SASH1: variants seen among roughly 807,000 people sequenced by gnomAD.
SASH1 encodes SAM and SH3 domain containing 1.
SASH1 carries 44 observed loss-of-function variants against 125.2 expected under a neutral mutation model. That is an observed-to-expected ratio of 0.35 (90% confidence interval 0.28 to 0.45). The LOEUF is 0.45. SASH1 is among the 20% of genes least tolerant of loss of function. The probability of loss-of-function intolerance (pLI) is 1.00; values close to 1 mark genes in which losing one functional copy is unlikely to be tolerated. For synonymous variants in SASH1, 639 were observed against 649.1 expected, an observed-to-expected ratio of 0.98 and a Z score of 0.24; for missense variants, 1,426 against 1,614.5, an observed-to-expected ratio of 0.88 and a Z score of 2.00.
chr6:148,334,178 A>AG (rs1781079467), intron 1 of SASH1, among the ~76,000 whole-genome samples: 4 of 139,570 alleles, frequency 2.9e-5, no homozygotes, highest in Admixed American at 2.9e-4. Context: ...TAATCCCAGC[A>AG]CTTTGGGAGG....
At position 148,548,349 on chromosome 6, in the gene SASH1, A is replaced by C. The variant is rs188775246; in HGVS notation, c.3535A>C (p.Ile1179Leu). 1 of 1,614,184 alleles carries C rather than the reference A, an allele frequency of 6.2e-7. No individual in the cohort carries two copies. The highest frequency in any genetic ancestry group is 1.3e-5 in the African/African-American group (1 of 75,046). Residue 1179 changes from isoleucine to leucine, a missense_variant, in exon 20 of 20, where the codon ATT (isoleucine) becomes CTT (leucine). Around this residue, in one of 3 missense-constraint regions of SASH1, gnomAD observed 634 missense variants for 694.4 expected, o/e 0.91. Coordinates refer to ENST00000367467, the MANE Select transcript of SASH1 (RefSeq NM_015278.5). The stretch of plus-strand genomic sequence containing the variant: ...CCGAAAGCCCGTCTCTCCTGGGTGC[A>C]TTTCGTCTGTGTCAGATTGGCTCAT... The part of the protein sequence containing the change: ...ICRKPVSPGC[I>L]SSVSDWLISI...
upstream of SASH1, among the ~76,000 whole-genome samples, chr6:148,269,653 A>G (rs902261486): frequency 1.3e-5 from 2 of 152,116 alleles, no homozygotes; most frequent in African/African-American, 4.8e-5. Context: ...GCATGTTAGG[A>G]TGCCCACCCT....
chr6:148,234,773 G>A, the SASH1 span, among the ~76,000 whole-genome samples: 3 of 151,622 alleles, frequency 2.0e-5, no homozygotes, highest in Admixed American at 6.6e-5. Flanking sequence ...GTTGCAATGA[G>A]CCGAGACTGC....
Position 148,315,550 on chromosome 6 carries a change from C to T in SASH1, n.74+43173C>T, listed in dbSNP as rs529286572. ...TTGATCAGTTTTATATAAATTCAAA[C>T]TTTCTTAAATTTAAGAGATTTCCTC... is the stretch of plus-strand genomic sequence containing the variant. On this transcript the variant is annotated intron_variant and non_coding_transcript_variant, in intron 1 of 3. Transcript: ENST00000367469. 2.6e-5 allele frequency among the ~76,000 whole-genome samples: 4 copies of T among 152,268 alleles called. No individual in the cohort carries two copies. The South Asian group carries it at 8.3e-4, about 32-fold the overall frequency.
chr6:148,493,410 C>T (rs1278373139), intron 8 of SASH1, among the ~76,000 whole-genome samples: 1 of 152,124 alleles, frequency 6.6e-6, no homozygotes, highest in Non-Finnish European at 1.5e-5. Context: ...ATTCAGCCAC[C>T]ACGGGTTATA....
intron 17 of SASH1, 108 bp downstream of exon 17, chr6:148,540,664 C>T (rs1343278540): frequency 6.2e-6 from 5 of 811,650 alleles, no homozygotes; most frequent in African/African-American, 3.4e-5. Flanking sequence ...CAGCAATCAT[C>T]GTTTCCTTTC....
chr6:148,401,233 A>G (rs990672360), intron 2 of SASH1, among the ~76,000 whole-genome samples: 2 of 151,794 alleles, frequency 1.3e-5, no homozygotes, highest in African/African-American at 4.8e-5. Context: ...CAGCCTGGGC[A>G]ACAGAATGAG....
At chr6:148,448,204 C>G (rs1399502511) in intron 4 of SASH1, among the ~76,000 whole-genome samples, 1 of 151,940 alleles carries the variant, frequency 6.6e-6, no homozygotes. Context: ...AGCCCTAGAT[C>G]TTTTGCTTCT....
intron 7 of SASH1, among the ~76,000 whole-genome samples, chr6:148,477,011 T>C (rs1461045415): frequency 2.0e-5 from 3 of 152,192 alleles, no homozygotes; most frequent in Admixed American, 6.5e-5. Flanking sequence ...TGGATATTCA[T>C]AGGCAGAAGA....
the SASH1 span, among the ~76,000 whole-genome samples, chr6:148,257,329 A>C: frequency 6.6e-6 from 1 of 152,178 alleles, no homozygotes; most frequent in Non-Finnish European, 1.5e-5. Context: ...CCTGAGTCAC[A>C]TAGGGTTGGC....
At chr6:148,355,475 A>G (rs1020476641) in intron 1 of SASH1, among the ~76,000 whole-genome samples, 3 of 152,258 alleles carry the variant, frequency 2.0e-5, no homozygotes, top group Admixed American at 6.5e-5. Flanking sequence ...TGTAGAAGAT[A>G]TTATAAAATC....
At chr6:148,302,241 G>T (rs1009428095) in intron 1 of SASH1, among the ~76,000 whole-genome samples, 13 of 147,968 alleles carry the variant, frequency 8.8e-5, no homozygotes, top group African/African-American at 3.0e-4. Context: ...GAACCTGGGA[G>T]GTGGAGCTTG....
At chr6:148,278,853 T>C (rs1477969898) in intron 1 of SASH1, 1 of 152,192 alleles carries the variant, frequency 6.6e-6, no homozygotes, top group Non-Finnish European at 1.5e-5. Flanking sequence ...GATATGCCCT[T>C]GGAGGAACTA....
At chr6:148,362,135 G>C (rs373976672) in intron 1 of SASH1, among the ~76,000 whole-genome samples, 241 of 151,606 alleles carry the variant, frequency 1.6e-3, no homozygotes, top group Non-Finnish European at 2.5e-3. Context: ...CTCCGTGTTA[G>C]CCAGGATGGT....
chr6:148,336,142 A>G (rs1244246055), intron 1 of SASH1, among the ~76,000 whole-genome samples: 1 of 142,442 alleles, frequency 7.0e-6, no homozygotes, highest in Non-Finnish European at 1.5e-5. Flanking sequence ...TCTTGACCTC[A>G]TTACATTTGT....
chr6:148,408,915 T>G (rs531018017), intron 2 of SASH1, among the ~76,000 whole-genome samples: 1 of 152,360 alleles, frequency 6.6e-6, no homozygotes, highest in African/African-American at 2.4e-5. Flanking sequence ...TGAAGTGATT[T>G]GCTTTGGAGA....
chr6:148,513,363 C>T, intron 8 of SASH1: 1 of 985,462 alleles, frequency 1.0e-6, no homozygotes, highest in African/African-American at 1.7e-5. Context: ...GGCGGCTGCT[C>T]CCAGGCATGC....
At chr6:148,479,045 CT>C (rs35055729) in intron 7 of SASH1, 46,850 of 105,082 alleles carry the variant, frequency 0.45, 8,817 homozygotes, top group East Asian at 0.59. Context: ...GACTGCACTA[CT>C]TTTTTTTTTT....
At chr6:148,257,566 A>C in the SASH1 span, among the ~76,000 whole-genome samples, 1 of 152,074 alleles carries the variant, frequency 6.6e-6, no homozygotes. Context: ...TGGGTTTTCA[A>C]AGCATAAGTC....
Sources: gnomAD v4.1 joint callset for allele counts (sites outside exome capture counted in the v4.1 genomes callset) on GRCh38, gnomAD v4.1.1 for gene constraint, gnomAD v4.1.1 regional missense constraint, MANE v1.5 for transcripts, NCBI Gene and HGNC (gene_info 2026-07-23, HGNC 2026-07-21) for gene names.